Variants in MYT1L observed in about 807,000 individuals in gnomAD.
MYT1L encodes the protein myelin transcription factor 1 like, also known as myelin transcription factor 1-like protein.
In MYT1L, 12 loss-of-function variants were observed where a neutral mutation model predicts 126.7. That is an observed-to-expected ratio of 0.09 (90% CI 0.06 to 0.15). The LOEUF (loss-of-function observed/expected upper bound fraction) is 0.15. Among genes scored for constraint, MYT1L ranks in the 10% least tolerant of loss-of-function variants. The pLI, the probability that MYT1L is intolerant of heterozygous loss-of-function variation, is 1.00. For missense variants in MYT1L, 979 were observed against 1,585.2 expected (o/e 0.62, Z 6.49); for synonymous variants, 541 against 604.2 (o/e 0.90, Z 1.53).
chr2:2,151,655 A>C (rs1003610378), intron 3 of MYT1L, among the ~76,000 whole-genome samples: 1 of 152,228 alleles, frequency 6.6e-6, no homozygotes, highest in African/African-American at 2.4e-5. Context: ...CACCATGTCT[A>C]TGCTGTTTTT....
At chr2:1,940,916 G>C (rs1051777815) in intron 9 of MYT1L, among the ~76,000 whole-genome samples, 1 of 152,220 alleles carries the variant, frequency 6.6e-6, no homozygotes, top group Non-Finnish European at 1.5e-5. Context: ...CCTGAGGCAC[G>C]ATCAGCCAGT....
chr2:2,143,681 T>C (rs957167801), intron 3 of MYT1L, among the ~76,000 whole-genome samples: 4 of 152,094 alleles, frequency 2.6e-5, no homozygotes, highest in Non-Finnish European at 4.4e-5. Flanking sequence ...TGGGGTGGCA[T>C]TTGTACCCAG....
At chr2:1,832,119 G>A (rs529184873) in intron 21 of MYT1L, among the ~76,000 whole-genome samples, 4 of 152,128 alleles carry the variant, frequency 2.6e-5, no homozygotes, top group African/African-American at 4.8e-5. Flanking sequence ...TTTGGAGCTG[G>A]GGCCTCTAAG....
intron 19 of MYT1L, chr2:1,842,866 A>AGCTTCCGCTTCCAGGC (rs750253401): frequency 0.092 from 7,810 of 85,134 alleles, 2,540 homozygotes; most frequent in East Asian, 0.12. Flanking sequence ...TCGTCTGTCC[A>AGCTTCCGCTTCCAGGC]GCTTCCGCTT....
intron 18 of MYT1L, among the ~76,000 whole-genome samples, chr2:1,881,670 C>T (rs1260322501): frequency 6.6e-6 from 1 of 152,054 alleles, no homozygotes; most frequent in Non-Finnish European, 1.5e-5. Context: ...AGCTTTCCAC[C>T]AGGGATGTGG....
chr2:2,236,798 TCTTCTTCTTCTTC>T (rs2094326473), intron 2 of MYT1L, among the ~76,000 whole-genome samples: 1 of 20,558 alleles, frequency 4.9e-5, no homozygotes, highest in Non-Finnish European at 7.3e-5. Flanking sequence ...TTCTTCTTCT[TCTTCTTCTTCTTC>T]TTCTTTTTTT....
At chr2:1,991,459 A>C (rs929990440) in intron 5 of MYT1L, among the ~76,000 whole-genome samples, 3 of 151,890 alleles carry the variant, frequency 2.0e-5, no homozygotes, top group African/African-American at 7.3e-5. Context: ...TGTCTGGCTA[A>C]TCTGTGTATT....
intron 3 of MYT1L, among the ~76,000 whole-genome samples, chr2:2,058,950 G>A (rs528079091): frequency 6.6e-6 from 1 of 152,126 alleles, no homozygotes; most frequent in Non-Finnish European, 1.5e-5. Context: ...TCATTCATAT[G>A]GGGGCAACAA....
At chr2:2,205,989 T>TTTTCTTTTCTTTTCTTTTCTTTC (rs1559334824) in intron 2 of MYT1L, among the ~76,000 whole-genome samples, 187 of 98,024 alleles carry the variant, frequency 1.9e-3, no homozygotes, top group African/African-American at 5.8e-3. Context: ...CTTTTCTTTC[T>TTTTCTTTTCTTTTCTTTTCTTTC]TTTTTTTTTT....
chr2:2,154,932 G>T (rs1219012791), intron 3 of MYT1L, among the ~76,000 whole-genome samples: 2 of 152,142 alleles, frequency 1.3e-5, no homozygotes, highest in African/African-American at 4.8e-5. Context: ...TTCAAGACCA[G>T]CCTGACCAAC....
intron 18 of MYT1L, among the ~76,000 whole-genome samples, chr2:1,882,736 G>A (rs994901602): frequency 1.4e-4 from 21 of 152,202 alleles, no homozygotes; most frequent in African/African-American, 5.1e-4. Flanking sequence ...AAGCTGTGGG[G>A]TGAGCAAAGC....
At chr2:2,325,546 T>C (rs973754289) in intron 1 of MYT1L, 1 of 152,228 alleles carries the variant, frequency 6.6e-6, no homozygotes, top group African/African-American at 2.4e-5. Context: ...TTTTCTGGCT[T>C]AAAAAAGTGC....
chr2:2,314,762 C>A (rs962726764), intron 1 of MYT1L, among the ~76,000 whole-genome samples: 1 of 152,086 alleles, frequency 6.6e-6, no homozygotes, highest in Non-Finnish European at 1.5e-5. Flanking sequence ...TATCATGCTA[C>A]CCAACTTCAA....
intron 3 of MYT1L, among the ~76,000 whole-genome samples, chr2:2,158,618 A>AACACACACACACACACAC (rs74164556): frequency 2.1e-5 from 3 of 144,382 alleles, no homozygotes; most frequent in South Asian, 4.5e-4. Context: ...CCATGGCATA[A>AACACACACACACACACAC]ACACACACAC....
rs1262824378 is a variant in MYT1L at position 2,145,620 on chromosome 2, GA to G, written c.-304+27251del. 2.0e-5 allele frequency among the ~76,000 whole-genome samples: 3 copies of G among 147,904 alleles called. No homozygotes were observed. In the East Asian group the frequency reaches 5.9e-4, roughly 29 times the overall value. On this transcript the variant is annotated intron_variant, in intron 3 of 24. Coordinates refer to ENST00000647738, the MANE Select transcript of MYT1L (RefSeq NM_001303052.2). ...GAAGAACACCTTTCAGTATCCACTG[GA>G]AAAAAAATACACACACACAAGACAC...
intron 14 of MYT1L, among the ~76,000 whole-genome samples, chr2:1,893,650 C>T (rs1012414652): frequency 2.0e-4 from 30 of 152,308 alleles, no homozygotes; most frequent in East Asian, 3.9e-4. Flanking sequence ...TCTGTGCCAT[C>T]GGCAGCAGCT....
chr2:2,103,345 G>A (rs942298526), intron 3 of MYT1L, among the ~76,000 whole-genome samples: 2 of 152,204 alleles, frequency 1.3e-5, no homozygotes, highest in Non-Finnish European at 2.9e-5. Flanking sequence ...TGTCCTGAGA[G>A]CTGTGCAGCA....
chr2:2,047,566 A>G (rs1274521131), intron 4 of MYT1L, among the ~76,000 whole-genome samples: 1 of 152,246 alleles, frequency 6.6e-6, no homozygotes, highest in Non-Finnish European at 1.5e-5. Context: ...TATGAGGCTT[A>G]GCATATTGAA....
intron 5 of MYT1L, among the ~76,000 whole-genome samples, chr2:1,984,241 G>T (rs1339043339): frequency 6.6e-6 from 1 of 152,104 alleles, no homozygotes; most frequent in South Asian, 2.1e-4. Context: ...CATATATTTA[G>T]GGGCAGGGTA....
Sources: gnomAD v4.1 joint callset for allele counts (sites outside exome capture counted in the v4.1 genomes callset) on GRCh38, gnomAD v4.1.1 for gene constraint, MANE v1.5 for transcripts, NCBI Gene and HGNC (gene_info 2026-07-23, HGNC 2026-07-21) for gene names.